SSU72: variants seen among roughly 807,000 people sequenced by gnomAD.
The protein encoded by SSU72 is SSU72 homolog, RNA polymerase II CTD phosphatase.
A neutral mutation model predicts 22.7 loss-of-function variants in SSU72; 12 were observed. The observed-to-expected ratio is 0.53, with a 90% CI of 0.34 to 0.86. SSU72 has a LOEUF of 0.86. SSU72 is among the 40% of genes least tolerant of loss of function. The pLI is 0.02. For missense variants in SSU72, 151 were observed against 249.8 expected, an observed-to-expected ratio of 0.60 and a Z score of 2.67; for synonymous variants, 116 against 98.3, an observed-to-expected ratio of 1.18 and a Z score of -1.06.
At chr1:1,555,598 A>G (rs1642512035) in intron 2 of SSU72, among the ~76,000 whole-genome samples, 1 of 152,248 alleles carries the variant, frequency 6.6e-6, no homozygotes. Flanking sequence ...TGACACCGAC[A>G]CGGCTGTGCA....
chr1:1,572,532 A>C (rs61774865), intron 1 of SSU72, among the ~76,000 whole-genome samples: 77,181 of 149,056 alleles, frequency 0.52, 24,145 homozygotes, highest in East Asian at 0.87. Context: ...TCTCGGCTCA[A>C]TGCAAGCTCC....
intron 1 of SSU72, among the ~76,000 whole-genome samples, chr1:1,566,576 G>C (rs1272720873): frequency 6.6e-6 from 1 of 152,066 alleles, no homozygotes; most frequent in African/African-American, 2.4e-5. Context: ...AGTAAGGCCG[G>C]GTGCGGTGGC....
chr1:1,547,227 G>A (rs1019563670), intron 2 of SSU72, among the ~76,000 whole-genome samples: 16 of 152,128 alleles, frequency 1.1e-4, no homozygotes, highest in Admixed American at 4.6e-4. Flanking sequence ...GGGTGAGGCC[G>A]TGGGGGCTCC....
chr1:1,542,187 G>T lies in SSU72; in HGVS notation c.484-20C>A. ...CTGGATCTGCAAGGACAGGACCGTGGTGAGGGCCTTGCCCACTCCTGCCTG... is the reference window on the plus strand; with the variant it reads ...CTGGATCTGCAAGGACAGGACCGTGTTGAGGGCCTTGCCCACTCCTGCCTG... On this transcript the variant is annotated intron_variant, in intron 4 of 4. Transcript: ENST00000291386. This position sits in a 1 kb window ranked among gnomAD's most constrained non-coding sequence, Gnocchi z 4.4. 6.4e-7 allele frequency: 1 copy of T among 1,565,422 alleles called. No individual in the cohort carries two copies. The highest frequency in any genetic ancestry group is 8.7e-7 in the Non-Finnish European group (1 of 1,154,492).
At chr1:1,544,131 G>C (rs530558789) in intron 3 of SSU72, 144 bp from the exon 4 acceptor site, 1 of 628,304 alleles carries the variant, frequency 1.6e-6, no homozygotes, top group Admixed American at 2.8e-5. Flanking sequence ...GGAGCACAAT[G>C]AATGAGCCTC....
chr1:1,550,445 T>C (rs1642443176), intron 2 of SSU72, among the ~76,000 whole-genome samples: 1 of 152,236 alleles, frequency 6.6e-6, no homozygotes, highest in Non-Finnish European at 1.5e-5. Flanking sequence ...AACCATGACT[T>C]TCCTGGCTAA....
chr1:1,544,917 G>A lies in SSU72; in HGVS notation c.310C>T (p.Leu104=). 1 of 1,614,206 alleles carries A rather than the reference G, an allele frequency of 6.2e-7. No individual in the cohort carries two copies. ...RPERFQNCKD[L]FDLILTCEER... ...TCGCAAGTGAGGATCAGATCAAACA[G>A]GTCTTTGCAGTTCTGGAATCTTTCT... The change falls in exon 3 of 5, where the codon CTG becomes TTG. Residue 104 remains leucine (L), a synonymous_variant. Coordinates refer to ENST00000291386, the MANE Select transcript of SSU72 (RefSeq NM_014188.3).
At chr1:1,553,266 C>CT (rs898350022) in intron 2 of SSU72, among the ~76,000 whole-genome samples, 1 of 152,052 alleles carries the variant, frequency 6.6e-6, no homozygotes, top group Non-Finnish European at 1.5e-5. Context: ...TCTGTGCCCC[C>CT]TCAGCAGACA....
At chr1:1,552,642 TGAG>T (rs1362796984) in intron 2 of SSU72, among the ~76,000 whole-genome samples, 2 of 152,168 alleles carry the variant, frequency 1.3e-5, no homozygotes, top group Non-Finnish European at 2.9e-5. Context: ...TCAGTCAGCC[TGAG>T]GAGTAAACCC....
At chr1:1,549,926 T>C (rs2100708205) in intron 2 of SSU72, among the ~76,000 whole-genome samples, 1 of 150,768 alleles carries the variant, frequency 6.6e-6, no homozygotes, top group South Asian at 2.1e-4. Flanking sequence ...TGAGCCGAGA[T>C]TGCGCCTCTA....
At chr1:1,552,670 T>C (rs534497533) in intron 2 of SSU72, among the ~76,000 whole-genome samples, 2 of 152,290 alleles carry the variant, frequency 1.3e-5, no homozygotes, top group African/African-American at 2.4e-5. Flanking sequence ...GACGGCAAGA[T>C]GGCATCACCA....
intron 3 of SSU72, 117 bp from the exon 4 acceptor site, chr1:1,544,104 T>C: frequency 1.3e-6 from 1 of 742,776 alleles, no homozygotes; most frequent in Non-Finnish European, 2.2e-6. Flanking sequence ...CAGTGGTTTC[T>C]GGACTCTGCA....
intron 1 of SSU72, 24 bp from the exon 2 acceptor site, chr1:1,564,940 A>G: frequency 6.4e-7 from 1 of 1,571,842 alleles, no homozygotes; most frequent in Non-Finnish European, 8.6e-7. Flanking sequence ...GGAGAGAAAG[A>G]ATCACAGTCA....
chr1:1,569,591 C>T (rs997889360), intron 1 of SSU72, among the ~76,000 whole-genome samples: 2 of 152,194 alleles, frequency 1.3e-5, no homozygotes, highest in African/African-American at 4.8e-5. Flanking sequence ...ACAGCCTCAA[C>T]CTCTTGGGCT....
chr1:1,549,527 AAAAG>A (rs1329014940), intron 2 of SSU72, among the ~76,000 whole-genome samples: 4 of 151,676 alleles, frequency 2.6e-5, no homozygotes, highest in Non-Finnish European at 5.9e-5. Context: ...TCAAAAAAAA[AAAAG>A]AAAGAAAAAG....
At position 1,574,589 on chromosome 1, in the gene SSU72, C is replaced by T; in HGVS notation, c.-32G>A. On this transcript the variant is annotated 5_prime_UTR_variant, in exon 1 of 5. Coordinates refer to ENST00000291386, the MANE Select transcript of SSU72 (RefSeq NM_014188.3). ...GGCCGCAAATCCCGCGGCTCTCCCG[C>T]TTGGGTTCCCACCCTACCGCGGCGC... is the stretch of plus-strand genomic sequence containing the variant. The T allele has an allele frequency of 3.2e-6, 5 of 1,572,936 alleles. No individual in the cohort carries two copies. The highest frequency in any genetic ancestry group is 4.3e-6 in the Non-Finnish European group (5 of 1,162,622).
At chr1:1,569,411 C>G (rs1029953490) in intron 1 of SSU72, among the ~76,000 whole-genome samples, 2 of 152,124 alleles carry the variant, frequency 1.3e-5, no homozygotes, top group African/African-American at 4.8e-5. Context: ...CCCCAGAGAA[C>G]GCTAACATGT....
At chr1:1,565,562 C>A (rs992292828) in intron 1 of SSU72, among the ~76,000 whole-genome samples, 14 of 152,260 alleles carry the variant, frequency 9.2e-5, no homozygotes, top group African/African-American at 3.4e-4. Flanking sequence ...AAGGGACTCA[C>A]AAAGGTCCAA....
chr1:1,573,450 A>G (rs1642764467), intron 1 of SSU72, among the ~76,000 whole-genome samples: 2 of 149,034 alleles, frequency 1.3e-5, no homozygotes, highest in African/African-American at 5.1e-5. Flanking sequence ...AAAAAAAAAA[A>G]AAAAAAGAAA....
Sources: gnomAD v4.1 joint callset for allele counts (sites outside exome capture counted in the v4.1 genomes callset) on GRCh38, gnomAD v4.1.1 for gene constraint, Gnocchi (gnomAD v3.1) non-coding constraint, MANE v1.5 for transcripts, NCBI Gene and HGNC (gene_info 2026-07-23, HGNC 2026-07-21) for gene names.